DENND1A: variants seen among roughly 807,000 people sequenced by gnomAD.
The protein encoded by DENND1A is DENN domain containing 1A.
A neutral mutation model predicts 113.7 loss-of-function variants in DENND1A; 51 were observed. The observed-to-expected ratio is 0.45, with a 90% confidence interval of 0.36 to 0.57. The LOEUF is 0.57. Among genes scored for constraint, DENND1A ranks in the 20% least tolerant of loss-of-function variants. The pLI is 0.00. For missense variants in DENND1A, 1,258 were observed against 1,395.9 expected (o/e 0.90, Z 1.57); for synonymous variants, 565 against 570.8 (o/e 0.99, Z 0.14).
rs189456780 is a variant in DENND1A at position 123,573,863 on chromosome 9, T to G, written c.867+9306A>C. Among the ~76,000 whole-genome samples the G allele has an allele frequency of 3.5e-4, 53 of 152,234 alleles. No individual in the cohort carries two copies. In the East Asian group the frequency reaches 9.1e-3, roughly 26 times the overall value. On this transcript the variant is annotated intron_variant, in intron 12 of 23. Coordinates refer to ENST00000394215, the MANE Select transcript of DENND1A (RefSeq NM_001352964.2). ...CATTCTCGGGGGAAAGAAATCAGTC[T>G]TTCACCATTAAGTATGATGTGAGCT...
chr9:123,855,761 G>A (rs1470262430), intron 2 of DENND1A, among the ~76,000 whole-genome samples: 1 of 152,206 alleles, frequency 6.6e-6, no homozygotes, highest in East Asian at 1.9e-4. Flanking sequence ...TAAGTGTCCA[G>A]GTGCGGCGGC....
At chr9:123,464,428 T>C (rs879435437) in intron 13 of DENND1A, among the ~76,000 whole-genome samples, 14 of 152,152 alleles carry the variant, frequency 9.2e-5, no homozygotes, top group Non-Finnish European at 1.8e-4. Context: ...ATCTGATACA[T>C]GCTGTAACAT....
At chr9:123,826,636 T>G (rs970781491) in intron 2 of DENND1A, among the ~76,000 whole-genome samples, 8 of 152,120 alleles carry the variant, frequency 5.3e-5, no homozygotes, top group African/African-American at 1.9e-4. Flanking sequence ...CCTTTTCACC[T>G]TGCCTCTCAG....
chr9:123,636,559 C>T (rs1234786615), intron 9 of DENND1A, among the ~76,000 whole-genome samples: 3 of 152,072 alleles, frequency 2.0e-5, no homozygotes, highest in East Asian at 3.9e-4. Flanking sequence ...TCAGGTGATC[C>T]GCCCTCCTCG....
intron 7 of DENND1A, among the ~76,000 whole-genome samples, chr9:123,668,804 C>T (rs573866702): frequency 2.9e-4 from 44 of 152,276 alleles, no homozygotes; most frequent in East Asian, 7.7e-4. Flanking sequence ...ACAGTAGAGA[C>T]GGTGTAGCGT....
intron 10 of DENND1A, among the ~76,000 whole-genome samples, chr9:123,619,375 T>C (rs1395912579): frequency 2.0e-5 from 3 of 152,206 alleles, no homozygotes; most frequent in Non-Finnish European, 4.4e-5. Context: ...ATAGTTGGAA[T>C]AGACTACAAA....
At chr9:123,822,277 T>C (rs1342569295) in intron 2 of DENND1A, among the ~76,000 whole-genome samples, 1 of 152,206 alleles carries the variant, frequency 6.6e-6, no homozygotes, top group African/African-American at 2.4e-5. Flanking sequence ...CACAATATAA[T>C]GTTACTACCA....
At chr9:123,492,493 A>G (rs1347788954) in intron 13 of DENND1A, among the ~76,000 whole-genome samples, 1 of 152,160 alleles carries the variant, frequency 6.6e-6, no homozygotes, top group Non-Finnish European at 1.5e-5. Context: ...AAGGGAATTG[A>G]AAGTGGAGAT....
chr9:123,521,432 T>C (rs1453069067), intron 13 of DENND1A, among the ~76,000 whole-genome samples: 1 of 152,222 alleles, frequency 6.6e-6, no homozygotes, highest in Non-Finnish European at 1.5e-5. Context: ...TTACCTTCTT[T>C]GGGCATCGAC....
intron 5 of DENND1A, among the ~76,000 whole-genome samples, chr9:123,754,483 T>C (rs547928135): frequency 2.0e-5 from 3 of 152,276 alleles, no homozygotes; most frequent in African/African-American, 7.2e-5. Context: ...CTAGGACTCT[T>C]TTATTTTTAG....
intron 2 of DENND1A, among the ~76,000 whole-genome samples, chr9:123,872,186 T>G (rs1846733203): frequency 6.6e-6 from 1 of 152,066 alleles, no homozygotes; most frequent in Non-Finnish European, 1.5e-5. Flanking sequence ...AAAATAAGCA[T>G]ACAAAAATTA....
intron 3 of DENND1A, among the ~76,000 whole-genome samples, chr9:123,778,249 G>T (rs1180318860): frequency 6.6e-6 from 1 of 152,180 alleles, no homozygotes; most frequent in Non-Finnish European, 1.5e-5. Flanking sequence ...AGATTCTAGT[G>T]TTTACCTGAG....
chr9:123,730,578 A>G (rs1040593519), intron 5 of DENND1A, among the ~76,000 whole-genome samples: 3 of 152,224 alleles, frequency 2.0e-5, no homozygotes, highest in African/African-American at 7.2e-5. Context: ...CCCAGTTAGA[A>G]TGGCAATCAT....
chr9:123,587,996 G>A (rs2059263351), intron 11 of DENND1A, among the ~76,000 whole-genome samples: 1 of 152,112 alleles, frequency 6.6e-6, no homozygotes, highest in Non-Finnish European at 1.5e-5. Flanking sequence ...ATAAAAAATA[G>A]GATGGGCATG....
chr9:123,746,105 T>A (rs1010743899), intron 5 of DENND1A, among the ~76,000 whole-genome samples: 1 of 152,224 alleles, frequency 6.6e-6, no homozygotes, highest in Admixed American at 6.5e-5. Flanking sequence ...TATATTTATG[T>A]TTACTTATGT....
intron 6 of DENND1A, among the ~76,000 whole-genome samples, chr9:123,674,347 CA>C (rs2063931194): frequency 2.3e-5 from 1 of 44,014 alleles, no homozygotes; most frequent in South Asian, 5.6e-4. Context: ...CTCTCTCACA[CA>C]CACACACACA....
intron 8 of DENND1A, among the ~76,000 whole-genome samples, chr9:123,663,427 C>T (rs1228119602): frequency 2.6e-5 from 4 of 152,076 alleles, no homozygotes; most frequent in Non-Finnish European, 2.9e-5. Flanking sequence ...TTATAGTTTT[C>T]GTTCACCGCC....
At chr9:123,429,122 C>A (rs1208615020) in intron 19 of DENND1A, among the ~76,000 whole-genome samples, 1 of 152,192 alleles carries the variant, frequency 6.6e-6, no homozygotes, top group Non-Finnish European at 1.5e-5. Context: ...AGGCATCATG[C>A]TACTTGACTT....
chr9:123,419,651 T>C (rs1233136661), intron 19 of DENND1A, among the ~76,000 whole-genome samples: 1 of 152,262 alleles, frequency 6.6e-6, no homozygotes, highest in Non-Finnish European at 1.5e-5. Flanking sequence ...AAGGCTCCTC[T>C]ACACTTTGGG....
Sources: gnomAD v4.1 joint callset for allele counts (sites outside exome capture counted in the v4.1 genomes callset) on GRCh38, gnomAD v4.1.1 for gene constraint, MANE v1.5 for transcripts, NCBI Gene and HGNC (gene_info 2026-07-23, HGNC 2026-07-21) for gene names.